Variants in GLRA3 observed in about 807,000 individuals in gnomAD.
GLRA3 encodes the protein glycine receptor subunit alpha-3.
GLRA3 carries 44 observed loss-of-function variants against 60.4 expected under a neutral mutation model. The ratio of observed to expected loss-of-function variants is 0.73; its 90% CI spans 0.57 to 0.94. The LOEUF (loss-of-function observed/expected upper bound fraction) is 0.94, where lower values mean the gene tolerates loss of function less well. Among genes scored for constraint, GLRA3 ranks in the 40% least tolerant of loss-of-function variants. The probability of loss-of-function intolerance (pLI) is 0.00; values close to 1 mark genes in which losing one functional copy is unlikely to be tolerated. For missense variants in GLRA3, 508 were observed against 564.6 expected (o/e 0.90, Z 1.02); for synonymous variants, 223 against 192.9 (o/e 1.16, Z -1.29).
intron 5 of GLRA3, among the ~76,000 whole-genome samples, chr4:174,699,222 G>C (rs1035661709): frequency 6.6e-6 from 1 of 152,014 alleles, no homozygotes; most frequent in African/African-American, 2.4e-5. Flanking sequence ...GGCTGGTCTC[G>C]AACTCCTGAC....
At chr4:174,766,056 C>T (rs570140241) in intron 3 of GLRA3, among the ~76,000 whole-genome samples, 1 of 151,680 alleles carries the variant, frequency 6.6e-6, no homozygotes, top group East Asian at 1.9e-4. Context: ...TAAAAATTTG[C>T]ATATTAGATT....
At chr4:174,666,967 A>C (rs887095117) in intron 7 of GLRA3, among the ~76,000 whole-genome samples, 2 of 151,944 alleles carry the variant, frequency 1.3e-5, no homozygotes, top group African/African-American at 2.4e-5. Flanking sequence ...AGTAGCAAAC[A>C]ACCACAAAAT....
At chr4:174,728,848 A>G (rs1327857311) in intron 3 of GLRA3, 150 bp from the exon 4 acceptor site, 3 of 556,088 alleles carry the variant, frequency 5.4e-6, no homozygotes, top group Non-Finnish European at 9.5e-6. Context: ...GGAGGAGGCT[A>G]TACAAGTGTT....
At chr4:174,805,929 C>G (rs1379892395) in intron 1 of GLRA3, among the ~76,000 whole-genome samples, 1 of 152,076 alleles carries the variant, frequency 6.6e-6, no homozygotes, top group East Asian at 1.9e-4. Flanking sequence ...GCAATAAAAA[C>G]ACCCTTGATT....
chr4:174,797,647 A>G (rs1334854150), intron 1 of GLRA3, among the ~76,000 whole-genome samples: 1 of 152,178 alleles, frequency 6.6e-6, no homozygotes, highest in Non-Finnish European at 1.5e-5. Context: ...AAGATAAGAG[A>G]GTAATAGCTG....
Position 174,644,018 on chromosome 4 carries a change from A to T in GLRA3, c.1163T>A (p.Met388Lys), listed in dbSNP as rs764989600. 1.2e-6 allele frequency: 2 copies of T among 1,613,764 alleles called. No individual in the cohort carries two copies. Among genetic ancestry groups the T allele is most frequent in the Non-Finnish European group, 1.7e-6 (2 of 1,179,942 alleles). The change falls in exon 10 of 10, where the codon ATG becomes AAG. Residue 388 changes from methionine to lysine, a missense_variant. Met to Lys is a moderately conservative substitution (Grantham distance 95). This residue lies in a region of GLRA3 where 176 missense variants were observed against 197.9 expected (regional missense o/e 0.89). Transcript: ENST00000274093. The part of the protein sequence containing the change: ...ESRFSFTAYG[M>K]GPCLQAKDGM... ...ATCCTTTGCTTGTAGACATGGTCCC[A>T]TTCCATAGGCTGTGAAGCTGAATCG...
chr4:174,817,193 T>C (rs903433606), intron 1 of GLRA3, among the ~76,000 whole-genome samples: 4 of 152,150 alleles, frequency 2.6e-5, no homozygotes, highest in African/African-American at 9.6e-5. Context: ...AACTGCAAAA[T>C]CTTTAACATC....
chr4:174,828,821 A>C lies in GLRA3; in HGVS notation c.-10T>G. The C allele has an allele frequency of 1.3e-6, 2 of 1,586,688 alleles. No homozygotes were observed. Among genetic ancestry groups the C allele is most frequent in the Non-Finnish European group, 1.7e-6 (2 of 1,155,038 alleles). On this transcript the variant is annotated 5_prime_UTR_variant, in exon 1 of 10. Transcript: ENST00000274093. ...GTCTCACGTGGGCCATGATACGGAG[A>C]GATATTCACGATCCTGAAAATAGTC...
At position 174,645,812 on chromosome 4, in the gene GLRA3, G is replaced by A. The variant is rs1299971016; in HGVS notation, c.1117-1748C>T. Among the ~76,000 whole-genome samples, 12 of 152,024 alleles carry A rather than the reference G, an allele frequency of 7.9e-5. 1 individual carries two copies. Among genetic ancestry groups the A allele is most frequent in the Admixed American group, 4.6e-4 (7 of 15,246 alleles). On this transcript the variant is annotated intron_variant, in intron 9 of 9. Transcript: ENST00000274093. ...TCATTTAGACTACCATTTCTTTGGC[G>A]TCCATGAAATTTTTAAGGCAAATTT... is the stretch of plus-strand genomic sequence containing the variant.
At chr4:174,753,599 T>C (rs1053501832) in intron 3 of GLRA3, among the ~76,000 whole-genome samples, 1 of 152,178 alleles carries the variant, frequency 6.6e-6, no homozygotes, top group African/African-American at 2.4e-5. Context: ...TGAAGAGGAA[T>C]AGCATTGCTG....
At chr4:174,787,667 T>G (rs1432282618) in intron 2 of GLRA3, among the ~76,000 whole-genome samples, 1 of 150,352 alleles carries the variant, frequency 6.7e-6, no homozygotes, top group Non-Finnish European at 1.5e-5. Flanking sequence ...GTACTATTTT[T>G]GTTTCTCATT....
chr4:174,646,972 A>G (rs1469817917), intron 9 of GLRA3, among the ~76,000 whole-genome samples: 1 of 152,222 alleles, frequency 6.6e-6, no homozygotes, highest in East Asian at 1.9e-4. Flanking sequence ...CCAAAGTGCT[A>G]CAGAAAATAA....
At chr4:174,652,581 C>CA (rs34717786) in intron 9 of GLRA3, among the ~76,000 whole-genome samples, 53,933 of 151,196 alleles carry the variant, frequency 0.36, 9,799 homozygotes, top group Admixed American at 0.49. Context: ...TTAAAACTGA[C>CA]AAAAAAAAAT....
chr4:174,662,021 T>C (rs558656073), intron 7 of GLRA3, among the ~76,000 whole-genome samples: 1 of 152,292 alleles, frequency 6.6e-6, no homozygotes, highest in South Asian at 2.1e-4. Context: ...TGATTTGAGG[T>C]TGTAGCTGAA....
intron 1 of GLRA3, among the ~76,000 whole-genome samples, chr4:174,799,679 T>C (rs1739728770): frequency 6.6e-6 from 1 of 152,202 alleles, no homozygotes; most frequent in African/African-American, 2.4e-5. Context: ...CTTGAAATCC[T>C]CTCAATTTCC....
chr4:174,682,493 A>G (rs372327501), intron 6 of GLRA3, among the ~76,000 whole-genome samples: 10 of 152,348 alleles, frequency 6.6e-5, no homozygotes, highest in African/African-American at 2.2e-4. Flanking sequence ...GGTTAAAAAC[A>G]CATTTTATTG....
At chr4:174,698,848 A>G (rs1042928533) in intron 5 of GLRA3, among the ~76,000 whole-genome samples, 1 of 152,190 alleles carries the variant, frequency 6.6e-6, no homozygotes, top group Non-Finnish European at 1.5e-5. Flanking sequence ...TTCAAACACT[A>G]AAATTCGCAT....
chr4:174,733,062 T>C (rs972045035), intron 3 of GLRA3, among the ~76,000 whole-genome samples: 1 of 152,054 alleles, frequency 6.6e-6, no homozygotes, highest in Non-Finnish European at 1.5e-5. Context: ...CCAAAAGAAA[T>C]TGTGTTATCA....
At chr4:174,774,460 C>T (rs1738516032) in intron 2 of GLRA3, among the ~76,000 whole-genome samples, 1 of 87,490 alleles carries the variant, frequency 1.1e-5, no homozygotes, top group Non-Finnish European at 2.5e-5. Flanking sequence ...TGGCAGGCAC[C>T]AACTTAATCA....
Sources: allele counts gnomAD v4.1 joint callset (sites outside exome capture counted in the v4.1 genomes callset), GRCh38; gene constraint gnomAD v4.1.1; regional missense constraint gnomAD v4.1.1; transcripts MANE v1.5; gene names NCBI Gene and HGNC (gene_info 2026-07-23, HGNC 2026-07-21).